The following COL4A2 variants were observed in gnomAD, a reference collection of about 807,000 sequenced individuals.
COL4A2 encodes the protein collagen alpha-2(IV) chain.
A neutral mutation model predicts 200.2 loss-of-function variants in COL4A2; 99 were observed. The observed-to-expected ratio is 0.49, with a 90% confidence interval of 0.42 to 0.58. The LOEUF (loss-of-function observed/expected upper bound fraction) is 0.58. COL4A2 is among the 20% of genes least tolerant of loss of function. The pLI, the probability that COL4A2 is intolerant of heterozygous loss-of-function variation, is 0.00. For missense variants in COL4A2, 1,950 were observed against 2,314.1 expected (o/e 0.84, Z 3.23); for synonymous variants, 897 against 900.6 (o/e 1.00, Z 0.07).
rs138237052 is a variant in COL4A2 at position 110,451,047 on chromosome 13, A to G, written c.1339+593A>G. ...CCCAGACAAATGCCCATGAAAGTCA[A>G]TAAAGCCGGCAGGCACAGGAGTGTG... is the stretch of plus-strand genomic sequence containing the variant. On this transcript the variant is annotated intron_variant, in intron 20 of 47. Coordinates refer to ENST00000360467, the MANE Select transcript of COL4A2 (RefSeq NM_001846.4). Among the ~76,000 whole-genome samples, 615 of 152,344 alleles carry G rather than the reference A, an allele frequency of 4.0e-3. 3 individuals are homozygous for G. The highest frequency in any genetic ancestry group is 0.014 in the African/African-American group (581 of 41,584).
At chr13:110,326,212 C>G (rs1885407688) in intron 3 of COL4A2, among the ~76,000 whole-genome samples, 1 of 152,196 alleles carries the variant, frequency 6.6e-6, no homozygotes, top group Admixed American at 6.6e-5. Context: ...GGGAGGAGAT[C>G]TGAATTTTTT....
intron 24 of COL4A2, among the ~76,000 whole-genome samples, chr13:110,464,340 C>T (rs1000194690): frequency 6.6e-6 from 1 of 152,038 alleles, no homozygotes; most frequent in Non-Finnish European, 1.5e-5. Context: ...GGTGTAGGGA[C>T]TTTCCCAGTG....
intron 4 of COL4A2, among the ~76,000 whole-genome samples, chr13:110,420,033 C>G (rs973687795): frequency 6.6e-6 from 1 of 152,152 alleles, no homozygotes; most frequent in Non-Finnish European, 1.5e-5. Flanking sequence ...CTGTTATGTA[C>G]CAAGGAGTAT....
In COL4A2 at chr13:110,429,925, C is replaced by CA. The variant is rs1303467606; in HGVS notation, c.519dup (p.Leu174ThrfsTer3). ...AAAGGGCAGAAAGGTGAGCCTTATG[C>CA]ACTGCCTAAAGAGGAGCGCGACAGA... On this transcript the variant is annotated frameshift_variant, in exon 8 of 48. Coordinates refer to ENST00000360467, the MANE Select transcript of COL4A2 (RefSeq NM_001846.4). LOFTEE classifies it high-confidence loss of function. 2 of 1,611,862 alleles carry CA rather than the reference C, an allele frequency of 1.2e-6. No individual in the cohort carries two copies. The highest frequency in any genetic ancestry group is 1.7e-6 in the Non-Finnish European group (2 of 1,179,342).
chr13:110,465,926 C>A, intron 25 of COL4A2, 77 bp from the exon 26 acceptor site: 2 of 1,538,456 alleles, frequency 1.3e-6, no homozygotes, highest in Non-Finnish European at 1.8e-6. Context: ...CCTTCACACA[C>A]GTGCACGCCC....
intron 4 of COL4A2, among the ~76,000 whole-genome samples, chr13:110,394,663 C>T (rs946728042): frequency 7.2e-5 from 11 of 152,240 alleles, no homozygotes; most frequent in Admixed American, 2.6e-4. Context: ...TTGCCATTTG[C>T]CACGCTTCAG....
intron 4 of COL4A2, among the ~76,000 whole-genome samples, chr13:110,369,977 T>TCATTCTAATCAC (rs1877931888): frequency 6.6e-6 from 1 of 152,188 alleles, no homozygotes; most frequent in Non-Finnish European, 1.5e-5. Context: ...AACCTGCACC[T>TCATTCTAATCAC]CATTCTAATC....
intron 4 of COL4A2, among the ~76,000 whole-genome samples, chr13:110,416,770 T>C (rs1479091995): frequency 6.6e-6 from 1 of 152,250 alleles, no homozygotes; most frequent in East Asian, 1.9e-4. Flanking sequence ...AATTTGTCTA[T>C]AGAGATAAAG....
At chr13:110,433,536 G>A (rs1490483669) in intron 11 of COL4A2, among the ~76,000 whole-genome samples, 1 of 152,222 alleles carries the variant, frequency 6.6e-6, no homozygotes. Context: ...TGGGGAAGAA[G>A]CAAAAGGCAA....
chr13:110,360,252 A>G (rs1303022734), intron 4 of COL4A2, among the ~76,000 whole-genome samples: 2 of 152,356 alleles, frequency 1.3e-5, no homozygotes, highest in East Asian at 3.9e-4. Context: ...ATTCTTCTCC[A>G]TGTCATCAGA....
At chr13:110,503,717 C>T (rs1883734657) in intron 43 of COL4A2, 130 bp from the exon 44 acceptor site, 2 of 1,137,840 alleles carry the variant, frequency 1.8e-6, no homozygotes, top group South Asian at 1.4e-5. Context: ...GTGTCTGGCT[C>T]ATCTCTAGAA....
At chr13:110,506,335 G>A (rs1883871986) in intron 45 of COL4A2, 80 bp from the exon 46 acceptor site, 1 of 1,417,638 alleles carries the variant, frequency 7.1e-7, no homozygotes, top group Non-Finnish European at 9.6e-7. Flanking sequence ...GGCTGTAGGT[G>A]CACCAGGCCG....
chr13:110,453,489 A>G (rs1027163585), intron 20 of COL4A2, among the ~76,000 whole-genome samples: 2 of 152,210 alleles, frequency 1.3e-5, no homozygotes, highest in Non-Finnish European at 2.9e-5. Context: ...GAACAAGAGC[A>G]AAACTCCATC....
intron 4 of COL4A2, among the ~76,000 whole-genome samples, chr13:110,395,926 C>T (rs774825626): frequency 6.6e-6 from 1 of 152,040 alleles, no homozygotes; most frequent in Non-Finnish European, 1.5e-5. Context: ...GTCTGGGCAA[C>T]GGAGCAAGAT....
intron 4 of COL4A2, among the ~76,000 whole-genome samples, chr13:110,387,337 T>C (rs1878796072): frequency 6.6e-6 from 1 of 152,238 alleles, no homozygotes; most frequent in Non-Finnish European, 1.5e-5. Flanking sequence ...GGAAATAGCC[T>C]TGCCGAGGGC....
intron 17 of COL4A2, 137 bp downstream of exon 17, chr13:110,446,019 C>A: frequency 3.3e-6 from 3 of 895,906 alleles, no homozygotes; most frequent in South Asian, 1.5e-5. Context: ...CGGCCTCTGA[C>A]ACTGGACAGA....
intron 32 of COL4A2, 23 bp downstream of exon 32, chr13:110,482,682 T>C: frequency 6.2e-7 from 1 of 1,606,274 alleles, no homozygotes; most frequent in African/African-American, 1.3e-5. Flanking sequence ...CTTAACATCC[T>C]CCTTACCTGG....
At chr13:110,327,518 G>A (rs1885450669) in intron 3 of COL4A2, among the ~76,000 whole-genome samples, 1 of 152,238 alleles carries the variant, frequency 6.6e-6, no homozygotes, top group African/African-American at 2.4e-5. Context: ...CAAAAGACAA[G>A]CAATTGAATG....
At chr13:110,470,146 C>G (rs1053737691) in intron 28 of COL4A2, among the ~76,000 whole-genome samples, 2 of 152,068 alleles carry the variant, frequency 1.3e-5, no homozygotes, top group Non-Finnish European at 2.9e-5. Context: ...AAACTCCTGA[C>G]ATTAGGTGAT....
Sources: allele counts gnomAD v4.1 joint callset (sites outside exome capture counted in the v4.1 genomes callset), GRCh38; gene constraint gnomAD v4.1.1; transcripts MANE v1.5; gene names NCBI Gene and HGNC (gene_info 2026-07-23, HGNC 2026-07-21).